The following ENTPD1 variants were observed in gnomAD, a reference collection of about 807,000 sequenced individuals.
The protein encoded by ENTPD1 is ectonucleoside triphosphate diphosphohydrolase 1, also known as ATP diphosphohydrolase.
In ENTPD1, 33 loss-of-function variants were observed where a neutral mutation model predicts 57.0. The observed-to-expected ratio is 0.58, with a 90% CI of 0.44 to 0.77. The LOEUF (loss-of-function observed/expected upper bound fraction) is 0.77, where lower values mean the gene tolerates loss of function less well. Among genes scored for constraint, ENTPD1 ranks in the 30% least tolerant of loss-of-function variants. The pLI, the probability that ENTPD1 is intolerant of heterozygous loss-of-function variation, is 0.00. For synonymous variants in ENTPD1, 202 were observed against 218.8 expected (o/e 0.92, Z 0.68); for missense variants, 501 against 603.4 (o/e 0.83, Z 1.78).
chr10:95,871,726 C>G lies in ENTPD1; in HGVS notation c.*5343C>G. On this transcript the variant is annotated 3_prime_UTR_variant, in exon 10 of 10. Coordinates refer to ENST00000371205, the MANE Select transcript of ENTPD1 (RefSeq NM_001776.6). ...CACTATAATCAACTGACACCATGATCAGTGATGATGATCACCCTCATCAGC... is the reference window on the plus strand; with the variant it reads ...CACTATAATCAACTGACACCATGATGAGTGATGATGATCACCCTCATCAGC... 2 of 985,318 alleles carry G rather than the reference C, an allele frequency of 2.0e-6. No individual in the cohort carries two copies. The highest frequency in any genetic ancestry group is 2.4e-6 in the Non-Finnish European group (2 of 829,812). 61.0% of individuals were successfully genotyped at this position (985,318 alleles called of 1,614,324 possible).
the ENTPD1 span, among the ~76,000 whole-genome samples, chr10:95,697,556 C>T: frequency 3.3e-5 from 5 of 152,200 alleles, no homozygotes; most frequent in South Asian, 4.1e-4. Flanking sequence ...AATCCATTCA[C>T]GGGTTAATGG....
chr10:95,754,009 T>G (rs1276951158), upstream of ENTPD1: 1 of 148,656 alleles, frequency 6.7e-6, no homozygotes, highest in Non-Finnish European at 1.5e-5. Context: ...AAAAAGAATG[T>G]AAGAACGTAG....
chr10:95,769,759 C>T (rs1394899713), intron 1 of ENTPD1, among the ~76,000 whole-genome samples: 2 of 152,032 alleles, frequency 1.3e-5, no homozygotes, highest in African/African-American at 2.4e-5. Context: ...GCAGTGGACA[C>T]GGTGAAAAGT....
intron 1 of ENTPD1, among the ~76,000 whole-genome samples, chr10:95,742,731 AT>A (rs2098001788): frequency 6.6e-6 from 1 of 152,198 alleles, no homozygotes; most frequent in Non-Finnish European, 1.5e-5. Context: ...TGTGTAACAA[AT>A]GCTTTTGCAA....
chr10:95,861,947 G>C (rs796935600), intron 8 of ENTPD1, among the ~76,000 whole-genome samples: 6 of 151,780 alleles, frequency 4.0e-5, no homozygotes, highest in African/African-American at 1.5e-4. Flanking sequence ...AGTGAGCTGA[G>C]ATTGTGCCAC....
the ENTPD1 span, among the ~76,000 whole-genome samples, chr10:95,695,235 C>G: frequency 1.3e-5 from 2 of 152,026 alleles, no homozygotes; most frequent in East Asian, 3.9e-4. Flanking sequence ...GTAATTAATT[C>G]AAAGTTAACC....
intron 1 of ENTPD1, among the ~76,000 whole-genome samples, chr10:95,776,320 G>T (rs1418133390): frequency 6.6e-6 from 1 of 152,192 alleles, no homozygotes. Context: ...AGGAGCTCTT[G>T]TAAGGCAGGC....
chr10:95,784,102 C>CTTTT (rs200561277), intron 1 of ENTPD1, among the ~76,000 whole-genome samples: 17,650 of 134,360 alleles, frequency 0.13, 1,422 homozygotes, highest in African/African-American at 0.22. Flanking sequence ...TTTGCTTGTT[C>CTTTT]TTTTTTTTTT....
At chr10:95,794,524 A>T (rs1035298395) in intron 1 of ENTPD1, among the ~76,000 whole-genome samples, 1 of 152,146 alleles carries the variant, frequency 6.6e-6, no homozygotes, top group Non-Finnish European at 1.5e-5. Context: ...ATTCTGATTT[A>T]ATTGCTTTGA....
chr10:95,757,999 T>C (rs2098035953), intron 1 of ENTPD1, among the ~76,000 whole-genome samples: 1 of 44,706 alleles, frequency 2.2e-5, no homozygotes, highest in Non-Finnish European at 3.7e-5. Flanking sequence ...TGAGACACTG[T>C]CTCAAAAAAA....
chr10:95,718,378 G>T, intron 1 of ENTPD1, among the ~76,000 whole-genome samples: 1 of 151,872 alleles, frequency 6.6e-6, no homozygotes, highest in East Asian at 1.9e-4. Flanking sequence ...AATGGAGGGG[G>T]TCCTGCCTTG....
chr10:95,778,344 T>G (rs373504456), intron 1 of ENTPD1, among the ~76,000 whole-genome samples: 17 of 152,348 alleles, frequency 1.1e-4, no homozygotes, highest in African/African-American at 4.1e-4. Context: ...TTGACTTGAC[T>G]CTTGTTAGAG....
chr10:95,746,915 A>G (rs550905285), intron 1 of ENTPD1, among the ~76,000 whole-genome samples: 1 of 152,240 alleles, frequency 6.6e-6, no homozygotes, highest in Non-Finnish European at 1.5e-5. Flanking sequence ...AGTGTCAAGA[A>G]AATTTGATAC....
intron 2 of ENTPD1, among the ~76,000 whole-genome samples, chr10:95,836,682 T>C (rs114810029): frequency 0.037 from 5,703 of 152,306 alleles, 132 homozygotes; most frequent in Non-Finnish European, 0.049. Flanking sequence ...TAATGGACTT[T>C]TGAGCCCAGG....
At chr10:95,732,804 A>G (rs2097990691) in intron 1 of ENTPD1, among the ~76,000 whole-genome samples, 1 of 152,310 alleles carries the variant, frequency 6.6e-6, no homozygotes, top group African/African-American at 2.4e-5. Flanking sequence ...GCAAGTTTTT[A>G]TTAGTGATTT....
intron 2 of ENTPD1, among the ~76,000 whole-genome samples, chr10:95,824,319 G>C (rs1194153570): frequency 6.6e-6 from 1 of 152,216 alleles, no homozygotes. Context: ...ATATTCTCTT[G>C]TATTTGAAGA....
Position 95,871,644 on chromosome 10 carries a change from G to C in ENTPD1, c.*5261G>C. The C allele has an allele frequency of 2.0e-6, 2 of 985,360 alleles. No homozygotes were observed. Among genetic ancestry groups the C allele is most frequent in the Non-Finnish European group, 2.4e-6 (2 of 829,886 alleles). The allele number at this position is 985,360 out of a possible 1,614,324, so 61.0% of individuals were successfully genotyped here. A position where few individuals can be genotyped will look rare whatever the true frequency, so the allele number is the denominator to read the frequency against. On this transcript the variant is annotated 3_prime_UTR_variant, in exon 10 of 10. Coordinates refer to ENST00000371205, the MANE Select transcript of ENTPD1 (RefSeq NM_001776.6). ...GCATTCAAGACTCTTCATTTGAAGT[G>C]AAGATTGCTATGTCTTTTGCATTGC... is the stretch of plus-strand genomic sequence containing the variant.
intron 2 of ENTPD1, among the ~76,000 whole-genome samples, chr10:95,833,210 CACA>C (rs1198059935): frequency 1.3e-5 from 2 of 152,090 alleles, no homozygotes; most frequent in African/African-American, 4.8e-5. Context: ...GATGGTGTTG[CACA>C]ACAATGTGAA....
At chr10:95,766,380 A>G (rs2098088310) in intron 1 of ENTPD1, among the ~76,000 whole-genome samples, 1 of 152,204 alleles carries the variant, frequency 6.6e-6, no homozygotes, top group South Asian at 2.1e-4. Context: ...TTGTTATCAT[A>G]GATTTACTTT....
Sources: gnomAD v4.1 joint callset for allele counts (sites outside exome capture counted in the v4.1 genomes callset) on GRCh38, gnomAD v4.1.1 for gene constraint, MANE v1.5 for transcripts, NCBI Gene and HGNC (gene_info 2026-07-23, HGNC 2026-07-21) for gene names.